TEX2: variants seen among roughly 807,000 people sequenced by gnomAD.
TEX2 encodes the protein testis expressed 2.
In TEX2, 53 loss-of-function variants were observed where a neutral mutation model predicts 106.9. The ratio of observed to expected loss-of-function variants is 0.50; its 90% CI spans 0.40 to 0.62. The LOEUF (loss-of-function observed/expected upper bound fraction) is 0.62, where lower values mean the gene tolerates loss of function less well. Ranked by LOEUF, TEX2 falls within the 20% of genes least tolerant of loss-of-function variation. TEX2 has a pLI of 0.00. For synonymous variants in TEX2, 523 were observed against 534.8 expected, an observed-to-expected ratio of 0.98 and a Z score of 0.30; for missense variants, 1,207 against 1,379.0, an observed-to-expected ratio of 0.88 and a Z score of 1.98.
chr17:64,219,243 C>T (rs782243696), intron 1 of TEX2, among the ~76,000 whole-genome samples: 6 of 152,196 alleles, frequency 3.9e-5, no homozygotes, highest in South Asian at 2.1e-4. Flanking sequence ...CAGTGGCTCA[C>T]GCCTGTAATC....
At chr17:64,188,832 A>T (rs569265959) in intron 4 of TEX2, among the ~76,000 whole-genome samples, 28 of 151,920 alleles carry the variant, frequency 1.8e-4, no homozygotes, top group Admixed American at 7.2e-4. Flanking sequence ...AAAAAAAAAA[A>T]TTTTATAAGT....
chr17:64,161,703 G>A (rs2030894499), intron 7 of TEX2, among the ~76,000 whole-genome samples: 1 of 151,902 alleles, frequency 6.6e-6, no homozygotes, highest in Admixed American at 6.6e-5. Flanking sequence ...AATGCAAACA[G>A]GGTTTATCTC....
rs1175816228 is a variant in TEX2 at position 64,160,831 on chromosome 17, G to C, written c.2774C>G (p.Ala925Gly). ...TTTGCCAATTTCTCCAACCTTCAGG[G>C]CTTCAACAAGAGGCTCTTTACCTAG... ...TKLGKEPLVE[A>G]LKVGEIGKEG... is the part of the protein sequence containing the mutation. Residue 925 changes from alanine (A) to glycine (G), a missense_variant, in exon 8 of 12, where the codon GCC becomes GGC. This residue lies in a region of TEX2 where 1,067 missense variants were observed against 1,193.6 expected (regional missense o/e 0.89). Transcript: ENST00000584379. 13 of 1,614,014 alleles carry C rather than the reference G, an allele frequency of 8.1e-6. No individual in the cohort carries two copies. The highest frequency in any genetic ancestry group is 1.1e-5 in the Non-Finnish European group (13 of 1,179,986).
rs527885520 is a variant in TEX2 at position 64,164,913 on chromosome 17, A to G, written c.2672-3980T>C. Among the ~76,000 whole-genome samples the G allele has an allele frequency of 2.6e-5, 4 of 152,300 alleles. No homozygotes were observed. The South Asian group carries it at 8.3e-4, about 32-fold the overall frequency. On this transcript the variant is annotated intron_variant, in intron 7 of 11. Transcript: ENST00000584379. Reference sequence around the variant, plus strand: ...CCATGTGAATCTAATAATCTCACACAGCAGTTCACTGTTTTATTACTATTT... The same window carrying G: ...CCATGTGAATCTAATAATCTCACACGGCAGTTCACTGTTTTATTACTATTT...
At chr17:64,209,548 T>A (rs1265130405) in intron 2 of TEX2, among the ~76,000 whole-genome samples, 4 of 152,328 alleles carry the variant, frequency 2.6e-5, no homozygotes, top group Non-Finnish European at 5.9e-5. Context: ...GACAGTTTGC[T>A]TGGATTAGGG....
chr17:64,238,437 C>A (rs1333588653), intron 1 of TEX2, among the ~76,000 whole-genome samples: 2 of 152,212 alleles, frequency 1.3e-5, no homozygotes, highest in East Asian at 1.9e-4. Flanking sequence ...TTTTGGCATT[C>A]TAATTTAAAC....
chr17:64,248,304 A>G (rs2034028114), intron 1 of TEX2, among the ~76,000 whole-genome samples: 1 of 152,240 alleles, frequency 6.6e-6, no homozygotes, highest in African/African-American at 2.4e-5. Flanking sequence ...AATCTATTTT[A>G]TAAGAATTTT....
At chr17:64,210,633 G>GTTTTTTTTTTTTTTT (rs1598182744) in intron 2 of TEX2, among the ~76,000 whole-genome samples, 1 of 66,334 alleles carries the variant, frequency 1.5e-5, no homozygotes, top group South Asian at 4.9e-4. Context: ...CCAACCCCCA[G>GTTTTTTTTTTTTTTT]CTTTTTTTTT....
intron 8 of TEX2, chr17:64,155,260 G>A (rs993945371): frequency 2.7e-5 from 8 of 296,404 alleles, no homozygotes; most frequent in Admixed American, 5.2e-5. Flanking sequence ...GACAGGAGGT[G>A]GGAGTGTGAT....
intron 7 of TEX2, among the ~76,000 whole-genome samples, chr17:64,169,929 C>T (rs62073143): frequency 0.022 from 3,321 of 152,340 alleles, 49 homozygotes; most frequent in Middle Eastern, 0.058. Context: ...ACAGTAAAAA[C>T]GTCAGTGAGA....
At chr17:64,254,126 A>G (rs1007173785) in intron 1 of TEX2, among the ~76,000 whole-genome samples, 5 of 152,178 alleles carry the variant, frequency 3.3e-5, no homozygotes, top group African/African-American at 1.2e-4. Flanking sequence ...CAATGCAACA[A>G]GCAGCTTGAG....
Position 64,213,382 on chromosome 17 carries a change from T to G in TEX2, c.836A>C (p.Lys279Thr). Residue 279 changes from lysine (K) to threonine (T), a missense_variant, in exon 2 of 12, where the codon AAA becomes ACA. Around this residue, in one of 3 missense-constraint regions of TEX2, gnomAD observed 1,067 missense variants for 1,193.6 expected, o/e 0.89. Transcript: ENST00000584379. The surrounding 1 kb of genome is among the most constrained non-coding windows in gnomAD (Gnocchi z 4.4). ...TSPSDTRSFFKVPEMEAKIED... is the reference protein window; with the variant it reads ...TSPSDTRSFFTVPEMEAKIED... ...AATTTTAGCCTCCATTTCGGGCACT[T>G]TAAAAAAGGAACGAGTATCAGAGGG... 1 of 1,613,964 alleles carries G rather than the reference T, an allele frequency of 6.2e-7. No homozygotes were observed.
At chr17:64,215,606 G>C (rs1034627753) in intron 1 of TEX2, among the ~76,000 whole-genome samples, 1 of 152,150 alleles carries the variant, frequency 6.6e-6, no homozygotes, top group Non-Finnish European at 1.5e-5. Flanking sequence ...CTGACTCTGT[G>C]GGACTTTGAA....
chr17:64,232,531 G>A (rs1366116298), intron 1 of TEX2, among the ~76,000 whole-genome samples: 2 of 152,202 alleles, frequency 1.3e-5, no homozygotes, highest in African/African-American at 2.4e-5. Flanking sequence ...AAGCATAGCT[G>A]AGCAAGCAAG....
chr17:64,160,967 T>C (rs1199598931), intron 7 of TEX2, 34 bp from the exon 8 acceptor site: 1 of 1,598,112 alleles, frequency 6.3e-7, no homozygotes, highest in Non-Finnish European at 8.5e-7. Context: ...AAGGTTTTTT[T>C]CCCTCAAAAA....
At chr17:64,162,680 G>A (rs1834800789) in intron 7 of TEX2, among the ~76,000 whole-genome samples, 1 of 152,194 alleles carries the variant, frequency 6.6e-6, no homozygotes, top group Admixed American at 6.5e-5. Context: ...CAGCGTCCCT[G>A]CCAGGAGCTG....
intron 7 of TEX2, among the ~76,000 whole-genome samples, chr17:64,169,201 G>A (rs1171534298): frequency 6.6e-6 from 1 of 152,052 alleles, no homozygotes; most frequent in Non-Finnish European, 1.5e-5. Context: ...ACCATGCCCG[G>A]CTGACTTTTG....
chr17:64,171,751 G>A (rs1432180340), intron 6 of TEX2, among the ~76,000 whole-genome samples: 1 of 152,148 alleles, frequency 6.6e-6, no homozygotes, highest in Non-Finnish European at 1.5e-5. Context: ...GGCCAAGGTG[G>A]ATGGATCACT....
rs187766013 is a variant in TEX2 at position 64,168,087 on chromosome 17, C to T, written c.2671+3013G>A. 2.6e-3 allele frequency among the ~76,000 whole-genome samples: 392 copies of T among 152,192 alleles called. 2 individuals are homozygous for T. Among genetic ancestry groups the T allele is most frequent in the African/African-American group, 8.9e-3 (371 of 41,514 alleles). On this transcript the variant is annotated intron_variant, in intron 7 of 11. Coordinates refer to ENST00000584379, the MANE Select transcript of TEX2 (RefSeq NM_001288732.2). ...TGTGAGGGGATCCCATAGGAGGTGG[C>T]GCTCCTTAGAGCTGTGAAGGCCTCC...
Sources: gnomAD v4.1 joint callset for allele counts (sites outside exome capture counted in the v4.1 genomes callset) on GRCh38, gnomAD v4.1.1 for gene constraint, gnomAD v4.1.1 regional missense constraint, Gnocchi (gnomAD v3.1) non-coding constraint, MANE v1.5 for transcripts, NCBI Gene and HGNC (gene_info 2026-07-23, HGNC 2026-07-21) for gene names.